The following C10orf90 variants were observed in gnomAD, a reference collection of about 807,000 sequenced individuals.
The protein encoded by C10orf90 is (E2-independent) E3 ubiquitin-conjugating enzyme FATS.
In C10orf90, 56 loss-of-function variants were observed where a neutral mutation model predicts 62.5. The ratio of observed to expected loss-of-function variants is 0.90; its 90% CI spans 0.72 to 1.12. The LOEUF is 1.12. Among genes scored for constraint, C10orf90 ranks in the 50% most tolerant of loss-of-function variants. The pLI, the probability that C10orf90 is intolerant of heterozygous loss-of-function variation, is 0.00. For synonymous variants in C10orf90, 386 were observed against 340.4 expected (o/e 1.13, Z -1.47); for missense variants, 970 against 880.4 (o/e 1.10, Z -1.29).
chr10:126,469,592 A>G (rs1564814714), intron 4 of C10orf90, among the ~76,000 whole-genome samples: 1 of 152,084 alleles, frequency 6.6e-6, no homozygotes, highest in Non-Finnish European at 1.5e-5. Flanking sequence ...ATAAACATCA[A>G]TTTCTCAACT....
chr10:126,548,278 C>T (rs1381417531), intron 2 of C10orf90, among the ~76,000 whole-genome samples: 2 of 152,134 alleles, frequency 1.3e-5, no homozygotes, highest in East Asian at 1.9e-4. Flanking sequence ...CACAGTGGCT[C>T]GTGCCTGTAA....
intron 4 of C10orf90, among the ~76,000 whole-genome samples, chr10:126,503,164 C>T (rs574794812): frequency 6.6e-6 from 1 of 152,266 alleles, no homozygotes; most frequent in African/African-American, 2.4e-5. Context: ...CAGAAGTTTA[C>T]ACAGAGAAAG....
intron 3 of C10orf90, among the ~76,000 whole-genome samples, chr10:126,511,387 T>C (rs1255746779): frequency 1.3e-5 from 2 of 152,182 alleles, no homozygotes; most frequent in Non-Finnish European, 2.9e-5. Context: ...ACATTTACTC[T>C]CTTAGCCATT....
intron 2 of C10orf90, among the ~76,000 whole-genome samples, chr10:126,580,102 T>A (rs1473571743): frequency 6.6e-6 from 1 of 152,116 alleles, no homozygotes; most frequent in African/African-American, 2.4e-5. Context: ...TGGGAATTGC[T>A]CCACTCTCTG....
chr10:126,549,910 A>G (rs1354366959), intron 2 of C10orf90, among the ~76,000 whole-genome samples: 3 of 151,968 alleles, frequency 2.0e-5, no homozygotes, highest in Non-Finnish European at 4.4e-5. Context: ...CAAAAAGACA[A>G]TCCCAGAAGG....
At chr10:126,544,033 G>A (rs1414944756) in intron 2 of C10orf90, among the ~76,000 whole-genome samples, 1 of 152,210 alleles carries the variant, frequency 6.6e-6, no homozygotes, top group Non-Finnish European at 1.5e-5. Context: ...GCTGCTGGAA[G>A]CACAGGTCCG....
At position 126,456,155 on chromosome 10, in the gene C10orf90, T is replaced by C. The variant is rs1859558600; in HGVS notation, c.2188+2885A>G. Among the ~76,000 whole-genome samples, 1 of 152,260 alleles carries C rather than the reference T, an allele frequency of 6.6e-6. No individual in the cohort carries two copies. The highest frequency in any genetic ancestry group is 2.4e-5 in the African/African-American group (1 of 41,474). On this transcript the variant is annotated intron_variant, in intron 7 of 9. Coordinates refer to ENST00000488181, the MANE Select transcript of C10orf90 (RefSeq NM_001350921.2). This position sits in a 1 kb window ranked among gnomAD's most constrained non-coding sequence, Gnocchi z 4.9. ...ACATCTGCATTTTGCTTTTATCATC[T>C]TGCCAGCAGACAGGCTGAAGACAAG...
chr10:126,582,040 G>A (rs1486446693), intron 2 of C10orf90, among the ~76,000 whole-genome samples: 2 of 152,198 alleles, frequency 1.3e-5, no homozygotes, highest in Non-Finnish European at 2.9e-5. Context: ...TCCTGACCAT[G>A]AGAGGAACAG....
chr10:126,427,414 G>A (rs1039197600), intron 8 of C10orf90, among the ~76,000 whole-genome samples: 1 of 152,150 alleles, frequency 6.6e-6, no homozygotes, highest in African/African-American at 2.4e-5. Context: ...TTGAATTGAA[G>A]GATGCCTGGA....
At chr10:126,617,157 G>C (rs754990900) in intron 2 of C10orf90, among the ~76,000 whole-genome samples, 2 of 152,068 alleles carry the variant, frequency 1.3e-5, no homozygotes, top group African/African-American at 2.4e-5. Flanking sequence ...TGTGTGGCGG[G>C]GTGAATTTTC....
intron 2 of C10orf90, among the ~76,000 whole-genome samples, chr10:126,551,176 C>T (rs1255874707): frequency 6.6e-6 from 1 of 152,206 alleles, no homozygotes; most frequent in African/African-American, 2.4e-5. Context: ...CTCCAAGCCT[C>T]AGTTCTCTAG....
rs535543540 is a variant in C10orf90 at position 126,499,713 on chromosome 10, C to T, written c.1534+4244G>A. On this transcript the variant is annotated intron_variant, in intron 4 of 9. Transcript: ENST00000488181. ...ATTCACTAGTGATGCTAAACTCCACCGAGGACATCTCAGACCAATGCCACC... is the reference window on the plus strand; with the variant it reads ...ATTCACTAGTGATGCTAAACTCCACTGAGGACATCTCAGACCAATGCCACC... 2.8e-4 allele frequency among the ~76,000 whole-genome samples: 43 copies of T among 152,264 alleles called. 1 individual carries two copies. Among genetic ancestry groups the T allele is most frequent in the Admixed American group, 2.3e-3 (35 of 15,292 alleles).
rs577926754 is a variant in C10orf90 at position 126,634,958 on chromosome 10, G to T, written c.313+11607C>A. Among the ~76,000 whole-genome samples the T allele has an allele frequency of 3.9e-5, 6 of 152,288 alleles. No homozygotes were observed. In the East Asian group the frequency reaches 5.8e-4, roughly 15 times the overall value. The stretch of plus-strand genomic sequence containing the variant: ...TTCCCAAACTTCATCACACAGTGCG[G>T]CTTTCTGGAAGGGAAGTCCCTGACC... On this transcript the variant is annotated intron_variant, in intron 2 of 9. Coordinates refer to ENST00000488181, the MANE Select transcript of C10orf90 (RefSeq NM_001350921.2).
Position 126,504,807 on chromosome 10 carries a change from C to T in C10orf90, c.684G>A (p.Gly228=). The change falls in exon 4 of 10, where the codon GGG becomes GGA. Residue 228 remains glycine, a synonymous_variant. Transcript: ENST00000488181. This position sits in a 1 kb window ranked among gnomAD's most constrained non-coding sequence, Gnocchi z 4.1. ...TGGATGCAAACCCTCTGCGGGGGCCCCCACAGGGTCTCTCCTCTTTGGGCG... is the reference window on the plus strand; with the variant it reads ...TGGATGCAAACCCTCTGCGGGGGCCTCCACAGGGTCTCTCCTCTTTGGGCG... The part of the protein sequence containing the change: ...ELPPKEERPC[G]GPRRGFASIT... 6.3e-7 allele frequency: 1 copy of T among 1,589,598 alleles called. No individual in the cohort carries two copies. The highest frequency in any genetic ancestry group is 8.6e-7 in the Non-Finnish European group (1 of 1,167,176).
intron 2 of C10orf90, among the ~76,000 whole-genome samples, chr10:126,578,130 C>T (rs545201200): frequency 8.2e-4 from 125 of 152,140 alleles, no homozygotes; most frequent in Admixed American, 2.5e-3. Flanking sequence ...ATGCATAAAA[C>T]ATTAATAAAT....
At chr10:126,658,809 C>T (rs190194257) in intron 1 of C10orf90, among the ~76,000 whole-genome samples, 1 of 152,110 alleles carries the variant, frequency 6.6e-6, no homozygotes, top group African/African-American at 2.4e-5. Flanking sequence ...GTTGCCCAGG[C>T]TAGTCTTGAA....
In C10orf90 at chr10:126,504,305, G is replaced by A; in HGVS notation, c.1186C>T (p.His396Tyr). The A allele has an allele frequency of 6.2e-7, 1 of 1,614,138 alleles. No individual in the cohort carries two copies. Among genetic ancestry groups the A allele is most frequent in the Non-Finnish European group, 8.5e-7 (1 of 1,180,036 alleles). Residue 396 changes from histidine to tyrosine, a missense_variant, in exon 4 of 10, where the codon CAC becomes TAC. Coordinates refer to ENST00000488181, the MANE Select transcript of C10orf90 (RefSeq NM_001350921.2). This position sits in a 1 kb window ranked among gnomAD's most constrained non-coding sequence, Gnocchi z 4.1. Reference protein sequence around the residue: ...VLSLNLNCSSHRLTADGVDGL... With the variant: ...VLSLNLNCSSYRLTADGVDGL... ...TCTACTCCATCTGCTGTTAATCTGT[G>A]GGAACTACAATTGAGGTTGAGCGAC...
intron 8 of C10orf90, 144 bp downstream of exon 8, chr10:126,429,643 C>A: frequency 3.1e-6 from 2 of 640,540 alleles, no homozygotes; most frequent in Admixed American, 2.9e-5. Flanking sequence ...TTATTTTAGC[C>A]GTTTTTTCAG....
At chr10:126,430,647 G>C (rs1857517568) in intron 7 of C10orf90, among the ~76,000 whole-genome samples, 1 of 152,144 alleles carries the variant, frequency 6.6e-6, no homozygotes, top group South Asian at 2.1e-4. Context: ...TGTTGCATGG[G>C]GGTGTGTTTC....
Sources: gnomAD v4.1 joint callset for allele counts (sites outside exome capture counted in the v4.1 genomes callset) on GRCh38, gnomAD v4.1.1 for gene constraint, Gnocchi (gnomAD v3.1) non-coding constraint, MANE v1.5 for transcripts, NCBI Gene and HGNC (gene_info 2026-07-23, HGNC 2026-07-21) for gene names.